The following SLC25A21 variants were observed in gnomAD, a reference collection of about 807,000 sequenced individuals.
SLC25A21 encodes solute carrier family 25 member 21, also known as mitochondrial 2-oxodicarboxylate carrier.
A neutral mutation model predicts 43.8 loss-of-function variants in SLC25A21; 47 were observed. The ratio of observed to expected loss-of-function variants is 1.07; its 90% confidence interval spans 0.85 to 1.37. The LOEUF (loss-of-function observed/expected upper bound fraction) is 1.37. Among genes scored for constraint, SLC25A21 ranks in the 40% most tolerant of loss-of-function variants. The pLI is 0.00. For missense variants in SLC25A21, 352 were observed against 350.2 expected (o/e 1.00, Z -0.04); for synonymous variants, 131 against 121.3 (o/e 1.08, Z -0.52).
intron 1 of SLC25A21, among the ~76,000 whole-genome samples, chr14:37,079,264 C>T (rs912108661): frequency 1.6e-4 from 24 of 152,126 alleles, no homozygotes; most frequent in African/African-American, 5.1e-4. Flanking sequence ...GAAGAACAGC[C>T]TACCTGGTAT....
At chr14:36,852,555 A>T (rs1260483247) in intron 2 of SLC25A21, among the ~76,000 whole-genome samples, 2 of 152,236 alleles carry the variant, frequency 1.3e-5, no homozygotes, top group African/African-American at 4.8e-5. Flanking sequence ...AGGACCAGAA[A>T]GTAATATATA....
chr14:37,114,746 G>GA (rs1178586831), intron 1 of SLC25A21, among the ~76,000 whole-genome samples: 1 of 152,118 alleles, frequency 6.6e-6, no homozygotes, highest in Non-Finnish European at 1.5e-5. Flanking sequence ...ATGTTTGTCA[G>GA]ACTCTTCTGC....
intron 1 of SLC25A21, among the ~76,000 whole-genome samples, chr14:36,952,566 G>A (rs1892839484): frequency 1.3e-5 from 2 of 152,008 alleles, no homozygotes. Flanking sequence ...CTCATCCTGA[G>A]CAAGGACAAA....
intron 7 of SLC25A21, among the ~76,000 whole-genome samples, chr14:36,692,156 T>C (rs977101566): frequency 1.6e-4 from 25 of 152,354 alleles, no homozygotes; most frequent in African/African-American, 5.8e-4. Context: ...CTGTGTGATC[T>C]TTTTGTGAGT....
intron 3 of SLC25A21, among the ~76,000 whole-genome samples, chr14:36,740,194 T>C (rs1052218247): frequency 2.0e-5 from 3 of 152,224 alleles, no homozygotes; most frequent in African/African-American, 7.2e-5. Flanking sequence ...AGCAATGCAT[T>C]TATAAGGAAG....
chr14:36,713,532 G>C (rs1373925729), intron 6 of SLC25A21, among the ~76,000 whole-genome samples: 1 of 152,156 alleles, frequency 6.6e-6, no homozygotes, highest in South Asian at 2.1e-4. Flanking sequence ...ATTAATTGGA[G>C]AGTAGCATAG....
intron 1 of SLC25A21, among the ~76,000 whole-genome samples, chr14:36,895,460 T>C (rs996610137): frequency 3.4e-4 from 52 of 152,332 alleles, no homozygotes; most frequent in African/African-American, 1.1e-3. Flanking sequence ...GCTAGCAGTC[T>C]ATCAATTTTG....
chr14:36,881,193 G>A (rs1471422781), intron 1 of SLC25A21, among the ~76,000 whole-genome samples: 1 of 152,088 alleles, frequency 6.6e-6, no homozygotes, highest in African/African-American at 2.4e-5. Context: ...TTATTGTTCT[G>A]ACAAAAACTA....
intron 1 of SLC25A21, among the ~76,000 whole-genome samples, chr14:36,978,299 C>T (rs962792871): frequency 1.3e-5 from 2 of 152,166 alleles, no homozygotes; most frequent in African/African-American, 2.4e-5. Flanking sequence ...GTGAGTCACA[C>T]AAATTTGTTG....
At chr14:36,698,377 G>GAC (rs1448951145) in intron 7 of SLC25A21, among the ~76,000 whole-genome samples, 1 of 152,126 alleles carries the variant, frequency 6.6e-6, no homozygotes, top group African/African-American at 2.4e-5. Context: ...TGGTGAATCT[G>GAC]ACAATTATGT....
intron 1 of SLC25A21, among the ~76,000 whole-genome samples, chr14:36,961,289 G>A (rs1226470047): frequency 6.6e-6 from 1 of 151,830 alleles, no homozygotes; most frequent in Non-Finnish European, 1.5e-5. Flanking sequence ...TCGGCTCACT[G>A]CAAGCTCTGC....
chr14:37,167,755 G>A lies in SLC25A21; in HGVS notation c.70+4526C>T, dbSNP rs1050898543. Among the ~76,000 whole-genome samples the A allele has an allele frequency of 9.2e-5, 14 of 152,108 alleles. 1 individual carries two copies. The South Asian group carries it at 2.7e-3, about 29-fold the overall frequency. On this transcript the variant is annotated intron_variant, in intron 1 of 9. Coordinates refer to ENST00000331299, the MANE Select transcript of SLC25A21 (RefSeq NM_030631.4). ...TGCAGACCCTGCGTTTGATGGATCA[G>A]CTGGCATCACCTAGATCTAACTGGT...
chr14:36,846,827 A>C (rs1889559835), intron 2 of SLC25A21, among the ~76,000 whole-genome samples: 1 of 152,236 alleles, frequency 6.6e-6, no homozygotes, highest in African/African-American at 2.4e-5. Context: ...CTCAGTTTGC[A>C]TTCCATGGAA....
intron 1 of SLC25A21, among the ~76,000 whole-genome samples, chr14:36,906,744 T>C (rs1293950580): frequency 6.6e-6 from 1 of 152,062 alleles, no homozygotes; most frequent in Non-Finnish European, 1.5e-5. Flanking sequence ...GACCTCATGA[T>C]CCACCCCCTC....
At chr14:36,963,994 G>A (rs1302947656) in intron 1 of SLC25A21, among the ~76,000 whole-genome samples, 2 of 151,940 alleles carry the variant, frequency 1.3e-5, no homozygotes, top group Admixed American at 6.6e-5. Flanking sequence ...GCTACTTAGC[G>A]CCTTCATTTT....
At chr14:36,873,137 A>G (rs1037086696) in intron 2 of SLC25A21, among the ~76,000 whole-genome samples, 2 of 152,198 alleles carry the variant, frequency 1.3e-5, no homozygotes, top group African/African-American at 2.4e-5. Context: ...TAGCAACAAT[A>G]ATCTGGCTTC....
chr14:37,159,215 G>GAA (rs35226206), intron 1 of SLC25A21, among the ~76,000 whole-genome samples: 65 of 148,410 alleles, frequency 4.4e-4, no homozygotes, highest in Middle Eastern at 3.5e-3. Context: ...TCACGGAACA[G>GAA]AAAAAAAAAA....
chr14:36,852,027 T>C (rs1366870705), intron 2 of SLC25A21, among the ~76,000 whole-genome samples: 3 of 152,214 alleles, frequency 2.0e-5, no homozygotes, highest in Non-Finnish European at 4.4e-5. Context: ...TTTAAAATAA[T>C]ATAATTAATC....
chr14:37,172,040 G>C (rs1964139110), intron 1 of SLC25A21: 2 of 546,196 alleles, frequency 3.7e-6, no homozygotes, highest in Non-Finnish European at 6.5e-6. Context: ...GACAATGCCG[G>C]GAACCCGAGA....
Sources: gnomAD v4.1 joint callset for allele counts (sites outside exome capture counted in the v4.1 genomes callset) on GRCh38, gnomAD v4.1.1 for gene constraint, MANE v1.5 for transcripts, NCBI Gene and HGNC (gene_info 2026-07-23, HGNC 2026-07-21) for gene names.